The following SLC25A21 variants were observed in gnomAD, a reference collection of about 807,000 sequenced individuals.
The protein encoded by SLC25A21 is mitochondrial 2-oxodicarboxylate carrier.
A neutral mutation model predicts 43.8 loss-of-function variants in SLC25A21; 47 were observed. That is an observed-to-expected ratio of 1.07 (90% confidence interval 0.85 to 1.37). The LOEUF is 1.37. Ranked by LOEUF, SLC25A21 falls within the 40% of genes most tolerant of loss-of-function variation. The pLI is 0.00. For synonymous variants in SLC25A21, 131 were observed against 121.3 expected (o/e 1.08, Z -0.52); for missense variants, 352 against 350.2 (o/e 1.00, Z -0.04).
chr14:36,939,054 T>C (rs1047148184), intron 1 of SLC25A21, among the ~76,000 whole-genome samples: 2 of 152,166 alleles, frequency 1.3e-5, no homozygotes, highest in African/African-American at 4.8e-5. Context: ...TAAATCTGTT[T>C]GTAATTAATG....
intron 1 of SLC25A21, among the ~76,000 whole-genome samples, chr14:37,040,790 T>G (rs985500421): frequency 6.6e-6 from 1 of 151,670 alleles, no homozygotes; most frequent in Admixed American, 6.6e-5. Flanking sequence ...AGACAGGAAA[T>G]AGAAATCTAA....
At chr14:36,767,255 A>G (rs1029496245) in intron 3 of SLC25A21, among the ~76,000 whole-genome samples, 1 of 152,230 alleles carries the variant, frequency 6.6e-6, no homozygotes, top group African/African-American at 2.4e-5. Flanking sequence ...AAAAAATTAA[A>G]TGGAATTGAA....
chr14:36,680,900 C>T (rs1056704168), intron 9 of SLC25A21, among the ~76,000 whole-genome samples, 181 bp from the exon 10 acceptor site: 29 of 152,298 alleles, frequency 1.9e-4, no homozygotes, highest in Middle Eastern at 3.4e-3. Context: ...AGGATAAAAT[C>T]AAGACCATCT....
rs545990845 is a variant in SLC25A21 at position 37,083,367 on chromosome 14, T to C, written c.70+88914A>G. Among the ~76,000 whole-genome samples the C allele has an allele frequency of 7.2e-5, 11 of 152,360 alleles. No homozygotes were observed. The South Asian group carries it at 1.9e-3, about 26-fold the overall frequency. ...ACAATGCAGTATCTGAACATGTTCATAGTTTTATCTAATAATTATTACTCA... is the reference window on the plus strand; with the variant it reads ...ACAATGCAGTATCTGAACATGTTCACAGTTTTATCTAATAATTATTACTCA... On this transcript the variant is annotated intron_variant, in intron 1 of 9. Coordinates refer to ENST00000331299, the MANE Select transcript of SLC25A21 (RefSeq NM_030631.4).
chr14:36,884,267 T>C (rs1402114030), intron 1 of SLC25A21, among the ~76,000 whole-genome samples: 2 of 152,198 alleles, frequency 1.3e-5, no homozygotes, highest in Non-Finnish European at 2.9e-5. Context: ...TTATTTCACT[T>C]AGCATGACGT....
At chr14:37,065,879 A>G (rs765341630) in intron 1 of SLC25A21, among the ~76,000 whole-genome samples, 48 of 152,252 alleles carry the variant, frequency 3.2e-4, no homozygotes, top group African/African-American at 1.0e-3. Flanking sequence ...GGAATTGAAC[A>G]CTCTTTTGAA....
intron 3 of SLC25A21, among the ~76,000 whole-genome samples, chr14:36,790,171 C>T (rs76470584): frequency 0.013 from 1,987 of 150,858 alleles, 45 homozygotes; most frequent in African/African-American, 0.045. Context: ...TTCTGAAGTG[C>T]CGTGGCATCT....
rs17106363 is a variant in SLC25A21 at position 37,120,992 on chromosome 14, G to A, written c.70+51289C>T. 6.3e-3 allele frequency among the ~76,000 whole-genome samples: 957 copies of A among 152,232 alleles called. 8 individuals carry two copies. Among genetic ancestry groups the A allele is most frequent in the African/African-American group, 0.02 (821 of 41,552 alleles). ...ACTTGCTAATTGAGGACAACCTGAA[G>A]CTAATAAATGGGCTGAGTAAACATT... On this transcript the variant is annotated intron_variant, in intron 1 of 9. Transcript: ENST00000331299.
rs200206636 is a variant in SLC25A21 at position 36,939,309 on chromosome 14, G to C, written c.71-64305C>G. On this transcript the variant is annotated intron_variant, in intron 1 of 9. Transcript: ENST00000331299. ...AATCATATAAGCTGGAGCCAGGGGT[G>C]GGGGGGGAATGTAAATACGAATTCT... Among the ~76,000 whole-genome samples the C allele has an allele frequency of 5.3e-5, 8 of 151,386 alleles. No individual in the cohort carries two copies. In the South Asian group the frequency reaches 6.3e-4, roughly 12 times the overall value.
Position 36,796,592 on chromosome 14 carries a change from T to C in SLC25A21, c.203+17326A>G, listed in dbSNP as rs75881754. ...GACCTTGGGGAGCTCACTACTTGCCTTCCAGGAAAGTGTGAATTAGCCTTA... is the reference window on the plus strand; with the variant it reads ...GACCTTGGGGAGCTCACTACTTGCCCTCCAGGAAAGTGTGAATTAGCCTTA... On this transcript the variant is annotated intron_variant, in intron 3 of 9. Coordinates refer to ENST00000331299, the MANE Select transcript of SLC25A21 (RefSeq NM_030631.4). Among the ~76,000 whole-genome samples the C allele has an allele frequency of 7.2e-4, 110 of 152,170 alleles. 3 individuals are homozygous for C. The East Asian group carries it at 0.02, about 28-fold the overall frequency.
At chr14:36,892,883 C>A (rs567680994) in intron 1 of SLC25A21, among the ~76,000 whole-genome samples, 26 of 152,156 alleles carry the variant, frequency 1.7e-4, no homozygotes, top group Middle Eastern at 3.4e-3. Flanking sequence ...TGAACTCATC[C>A]TTTTTTATGG....
chr14:37,148,324 A>G (rs1963703235), intron 1 of SLC25A21, among the ~76,000 whole-genome samples: 1 of 152,218 alleles, frequency 6.6e-6, no homozygotes, highest in African/African-American at 2.4e-5. Flanking sequence ...GTGTGTAGCT[A>G]CACATTGTAT....
chr14:36,747,006 C>T (rs1885524917), intron 3 of SLC25A21, among the ~76,000 whole-genome samples: 2 of 152,098 alleles, frequency 1.3e-5, no homozygotes, highest in South Asian at 4.1e-4. Context: ...CATATATGCA[C>T]ACACACACTC....
chr14:36,927,260 T>C (rs1290087423), intron 1 of SLC25A21, among the ~76,000 whole-genome samples: 1 of 152,210 alleles, frequency 6.6e-6, no homozygotes, highest in Non-Finnish European at 1.5e-5. Context: ...TAAATGTATA[T>C]TCCCAGGAGG....
At chr14:36,988,679 C>T (rs77378738) in intron 1 of SLC25A21, among the ~76,000 whole-genome samples, 2,391 of 152,272 alleles carry the variant, frequency 0.016, 53 homozygotes, top group African/African-American at 0.052. Context: ...ACCAACTGAG[C>T]TGGAATCTCT....
intron 2 of SLC25A21, among the ~76,000 whole-genome samples, chr14:36,855,954 CT>C (rs1200955513): frequency 6.6e-6 from 1 of 152,144 alleles, no homozygotes. Flanking sequence ...TTATTGGCAT[CT>C]AGTGAGTAGA....
chr14:36,832,262 T>C (rs1221875949), intron 2 of SLC25A21, among the ~76,000 whole-genome samples: 1 of 152,088 alleles, frequency 6.6e-6, no homozygotes, highest in Non-Finnish European at 1.5e-5. Flanking sequence ...CAAAATAATA[T>C]ATATATATAT....
chr14:36,826,259 G>A (rs2138470976), intron 2 of SLC25A21, among the ~76,000 whole-genome samples: 1 of 152,260 alleles, frequency 6.6e-6, no homozygotes, highest in East Asian at 1.9e-4. Flanking sequence ...TGGGGTCAGT[G>A]GGGACCTCTT....
At chr14:37,079,557 C>A (rs1187190106) in intron 1 of SLC25A21, among the ~76,000 whole-genome samples, 1 of 152,186 alleles carries the variant, frequency 6.6e-6, no homozygotes, top group East Asian at 1.9e-4. Flanking sequence ...TCATAAAACA[C>A]AAATCTGAAC....
Sources: allele counts gnomAD v4.1 joint callset (sites outside exome capture counted in the v4.1 genomes callset), GRCh38; gene constraint gnomAD v4.1.1; transcripts MANE v1.5; gene names NCBI Gene and HGNC (gene_info 2026-07-23, HGNC 2026-07-21).